Variants in VWF observed in about 807,000 individuals in gnomAD.
VWF encodes Factor VIII related antigen.
Under a neutral mutation model 308.6 loss-of-function variants are expected in VWF, and 176 were observed. The observed-to-expected ratio is 0.57, with a 90% confidence interval of 0.50 to 0.65. VWF has a LOEUF of 0.65. Among genes scored for constraint, VWF ranks in the 30% least tolerant of loss-of-function variants. VWF has a pLI of 0.00. For missense variants in VWF, 3,146 were observed against 3,648.2 expected, an observed-to-expected ratio of 0.86 and a Z score of 3.55; for synonymous variants, 1,385 against 1,443.4, an observed-to-expected ratio of 0.96 and a Z score of 0.92.
At position 6,019,733 on chromosome 12, in the gene VWF, C is replaced by T. The variant is rs771840215; in HGVS notation, c.3685G>A (p.Val1229Ile). The part of the protein sequence containing the change: ...PEHCQICHCD[V>I]VNLTCEACQE... ...CAGGCTTCACAGGTGAGGTTGACAACATCACAGTGGCTGCAGAAAAGAGCG... is the reference window on the plus strand; with the variant it reads ...CAGGCTTCACAGGTGAGGTTGACAATATCACAGTGGCTGCAGAAAAGAGCG... Residue 1229 changes from valine to isoleucine, a missense_variant, in exon 28 of 52, where the codon GTT becomes ATT. Val to Ile is a conservative substitution (Grantham distance 29). This residue lies in a region of VWF where 853 missense variants were observed against 1,177.8 expected (regional missense o/e 0.72). Transcript: ENST00000261405. This position sits in a 1 kb window ranked among gnomAD's most constrained non-coding sequence, Gnocchi z 5.8. 1.8e-5 allele frequency: 29 copies of T among 1,612,806 alleles called. No homozygotes were observed. The East Asian group carries it at 6.2e-4, about 35-fold the overall frequency.
At position 6,075,412 on chromosome 12, in the gene VWF, G is replaced by A. The variant is rs1250604422; in HGVS notation, c.797C>T (p.Pro266Leu). ...GGTCCGGGCGTACTCCAGGAGGGCA[G>A]GGCAGGCGCACTCCAGCCCCCCAGC... ...ECAGGLECAC[P>L]ALLEYARTCA... Residue 266 changes from proline to leucine, a missense_variant, in exon 7 of 52, where the codon CCT (proline) becomes CTT (leucine). Transcript: ENST00000261405. This position sits in a 1 kb window ranked among gnomAD's most constrained non-coding sequence, Gnocchi z 4.7. The A allele has an allele frequency of 6.2e-6, 10 of 1,614,156 alleles. No homozygotes were observed. The highest frequency in any genetic ancestry group is 5.5e-5 in the South Asian group (5 of 91,082).
rs930666279 is a variant in VWF, at chr12:6,065,340, G to A, written c.1157-67C>T. 3 of 1,599,788 alleles carry A rather than the reference G, an allele frequency of 1.9e-6. No homozygotes were observed. In the Admixed American group the frequency reaches 5.1e-5, roughly 27 times the overall value. On this transcript the variant is annotated intron_variant, in intron 10 of 51. Transcript: ENST00000261405. ...GCACTTCCCCTGGGGTGGCCAAGGT[G>A]GAATGCATATGCAAGCAGGGTGCCC...
chr12:6,117,606 G>A (rs797612), intron 3 of VWF, among the ~76,000 whole-genome samples: 9 of 152,138 alleles, frequency 5.9e-5, no homozygotes, highest in South Asian at 2.1e-4. Context: ...ACCTGAGGTC[G>A]GGAGTTCGAG....
intron 6 of VWF, among the ~76,000 whole-genome samples, chr12:6,085,872 A>G (rs1420835871): frequency 6.6e-6 from 1 of 152,210 alleles, no homozygotes; most frequent in Non-Finnish European, 1.5e-5. Flanking sequence ...CGTTCAGCAC[A>G]TGTATCCCAG....
At chr12:6,085,024 T>A (rs185900484) in intron 6 of VWF, among the ~76,000 whole-genome samples, 45 of 152,324 alleles carry the variant, frequency 3.0e-4, no homozygotes, top group Admixed American at 2.7e-3. Context: ...CATTCCTCTC[T>A]CTAAGATAGC....
intron 18 of VWF, among the ~76,000 whole-genome samples, chr12:6,042,441 A>G (rs991018231): frequency 2.6e-5 from 4 of 152,220 alleles, no homozygotes; most frequent in African/African-American, 9.6e-5. Flanking sequence ...GGCCAAGAAC[A>G]CGTGTCCCGT....
At chr12:6,079,750 G>A (rs948356641) in intron 6 of VWF, among the ~76,000 whole-genome samples, 2 of 152,254 alleles carry the variant, frequency 1.3e-5, no homozygotes, top group East Asian at 3.9e-4. Flanking sequence ...CTCCAGCAGG[G>A]TGTCCAAGCC....
intron 13 of VWF, among the ~76,000 whole-genome samples, chr12:6,061,708 T>C (rs547016327): frequency 6.6e-6 from 1 of 152,204 alleles, no homozygotes; most frequent in East Asian, 1.9e-4. Flanking sequence ...CAAAGTGTGG[T>C]CTTGAGACCC....
intron 6 of VWF, among the ~76,000 whole-genome samples, chr12:6,086,997 T>C (rs1169140318): frequency 1.3e-5 from 2 of 151,782 alleles, no homozygotes; most frequent in African/African-American, 4.8e-5. Context: ...GCGGAAAGAG[T>C]TCTACAAGAT....
chr12:6,062,074 A>G (rs1017030881), intron 13 of VWF, among the ~76,000 whole-genome samples: 3 of 152,212 alleles, frequency 2.0e-5, no homozygotes, highest in African/African-American at 7.2e-5. Context: ...ATAAATACAT[A>G]TTTTAAATGT....
intron 3 of VWF, among the ~76,000 whole-genome samples, chr12:6,112,267 A>G (rs79641202): frequency 0.063 from 9,644 of 152,260 alleles, 944 homozygotes; most frequent in African/African-American, 0.21. Flanking sequence ...GACGGTGGCC[A>G]GCATGAAAGA....
chr12:5,995,639 A>G (rs1943800051), intron 35 of VWF, among the ~76,000 whole-genome samples: 1 of 152,198 alleles, frequency 6.6e-6, no homozygotes, highest in South Asian at 2.1e-4. Context: ...AATTTAGGCC[A>G]TAAATGTTTC....
intron 18 of VWF, among the ~76,000 whole-genome samples, chr12:6,037,241 TTC>T (rs1443319914): frequency 6.6e-6 from 1 of 152,214 alleles, no homozygotes; most frequent in Non-Finnish European, 1.5e-5. Context: ...TTTCCAAGTG[TTC>T]TTCAATGAGC....
intron 38 of VWF, among the ~76,000 whole-genome samples, chr12:5,990,792 T>C (rs1409395784): frequency 1.4e-5 from 2 of 141,550 alleles, no homozygotes; most frequent in Non-Finnish European, 3.0e-5. Context: ...TGAAGAGAGA[T>C]GACAGCCATT....
chr12:5,950,654 G>A (rs1943178851), intron 50 of VWF, among the ~76,000 whole-genome samples: 1 of 148,046 alleles, frequency 6.8e-6, no homozygotes, highest in Admixed American at 6.7e-5. Flanking sequence ...TACATTAAGA[G>A]GATGAATTAA....
intron 35 of VWF, 74 bp from the exon 36 acceptor site, chr12:5,994,681 A>G: frequency 7.3e-7 from 1 of 1,372,622 alleles, no homozygotes; most frequent in Non-Finnish European, 1.0e-6. Flanking sequence ...AGTTACCGAG[A>G]GTTCCTGCAC....
intron 17 of VWF, among the ~76,000 whole-genome samples, chr12:6,044,939 C>A (rs1427278957): frequency 2.6e-5 from 4 of 152,122 alleles, no homozygotes; most frequent in African/African-American, 9.7e-5. Context: ...CCACTCCATG[C>A]GAATTTGCAA....
chr12:6,013,354 T>A, intron 32 of VWF, 127 bp downstream of exon 32: 1 of 1,192,820 alleles, frequency 8.4e-7, no homozygotes, highest in African/African-American at 1.5e-5. Flanking sequence ...TATATAATAA[T>A]CTTCATTCAA....
At position 5,986,929 on chromosome 12, in the gene VWF, G is replaced by C. The variant is rs1055014189; in HGVS notation, c.6799-1264C>G. On this transcript the variant is annotated intron_variant, in intron 38 of 51. Transcript: ENST00000261405. ...TTTATGTTTTGGTTTTTGTTTGTTT[G>C]TTTGTTTGTTTGTTTTGAGACAGAG... 7.2e-5 allele frequency among the ~76,000 whole-genome samples: 11 copies of C among 152,054 alleles called. No individual in the cohort carries two copies. The South Asian group carries it at 1.9e-3, about 26-fold the overall frequency.
Sources: allele counts gnomAD v4.1 joint callset (sites outside exome capture counted in the v4.1 genomes callset), GRCh38; gene constraint gnomAD v4.1.1; regional missense constraint gnomAD v4.1.1; non-coding constraint Gnocchi (gnomAD v3.1); transcripts MANE v1.5; gene names NCBI Gene and HGNC (gene_info 2026-07-23, HGNC 2026-07-21).